Variants in CPS1 observed in about 807,000 individuals in gnomAD.
CPS1 encodes carbamoyl-phosphate synthase [ammonia], mitochondrial.
CPS1 carries 109 observed loss-of-function variants against 174.6 expected under a neutral mutation model. That is an observed-to-expected ratio of 0.62 (90% CI 0.53 to 0.73). The LOEUF (loss-of-function observed/expected upper bound fraction) is 0.73. CPS1 is among the 30% of genes least tolerant of loss of function. The pLI, the probability that CPS1 is intolerant of heterozygous loss-of-function variation, is 0.00. For missense variants in CPS1, 1,689 were observed against 1,821.9 expected (o/e 0.93, Z 1.33); for synonymous variants, 637 against 632.0 (o/e 1.01, Z -0.12).
intron 1 of CPS1, among the ~76,000 whole-genome samples, chr2:210,505,204 A>G (rs1045420210): frequency 6.6e-6 from 1 of 151,960 alleles, no homozygotes; most frequent in African/African-American, 2.4e-5. Context: ...AATTCATCCT[A>G]TAATTAGGGC....
intron 28 of CPS1, among the ~76,000 whole-genome samples, chr2:210,653,708 A>G (rs944307310): frequency 1.3e-5 from 2 of 152,206 alleles, no homozygotes; most frequent in Non-Finnish European, 2.9e-5. Flanking sequence ...GACAGCAGAG[A>G]AAGAAGCCAT....
At chr2:210,676,932 C>A (rs1347122520) in intron 36 of CPS1, 75 bp from the exon 37 acceptor site, 2 of 1,457,170 alleles carry the variant, frequency 1.4e-6, no homozygotes, top group Non-Finnish European at 9.6e-7. Context: ...GCTAAGAGAG[C>A]AATTTATGTT....
intron 5 of CPS1, 70 bp downstream of exon 5, chr2:210,579,840 T>C: frequency 8.0e-7 from 1 of 1,243,268 alleles, no homozygotes; most frequent in South Asian, 1.2e-5. Context: ...GTGTGGTGTT[T>C]CCCTCAGTGC....
intron 21 of CPS1, among the ~76,000 whole-genome samples, chr2:210,636,998 T>G (rs116141479): frequency 0.011 from 1,610 of 152,250 alleles, 23 homozygotes; most frequent in African/African-American, 0.037. Flanking sequence ...GGAGAGGATA[T>G]CCAAACTGAT....
chr2:210,594,939 C>T (rs1698439085), intron 12 of CPS1, among the ~76,000 whole-genome samples: 4 of 151,850 alleles, frequency 2.6e-5, no homozygotes, highest in Admixed American at 2.6e-4. Flanking sequence ...ACATTTCAGA[C>T]TACAGAATCA....
In CPS1 at chr2:210,570,614, C is replaced by T. The variant is rs961400400; in HGVS notation, c.127-2684C>T. On this transcript the variant is annotated intron_variant, in intron 1 of 37. Coordinates refer to ENST00000233072, the MANE Select transcript of CPS1 (RefSeq NM_001875.5). ...ATATGTAGAAAACTATTGAAATTTACAGTCTACACTCAAATTTTGCCAACT... is the reference window on the plus strand; with the variant it reads ...ATATGTAGAAAACTATTGAAATTTATAGTCTACACTCAAATTTTGCCAACT... Among the ~76,000 whole-genome samples the T allele has an allele frequency of 3.3e-5, 5 of 151,920 alleles. 1 individual carries two copies. The highest frequency in any genetic ancestry group is 4.8e-5 in the African/African-American group (2 of 41,414).
intron 1 of CPS1, among the ~76,000 whole-genome samples, chr2:210,550,211 A>G (rs1237869045): frequency 2.0e-5 from 3 of 151,942 alleles, no homozygotes; most frequent in Non-Finnish European, 4.4e-5. Context: ...GTTTTTACTG[A>G]AGTTATGTTT....
intron 19 of CPS1, among the ~76,000 whole-genome samples, chr2:210,611,294 G>C (rs1368194099): frequency 2.0e-5 from 3 of 151,840 alleles, no homozygotes; most frequent in Admixed American, 1.3e-4. Flanking sequence ...GAGTCTATTT[G>C]AGGAATCACA....
At chr2:210,644,999 A>T (rs535151907) in intron 25 of CPS1, among the ~76,000 whole-genome samples, 9 of 152,176 alleles carry the variant, frequency 5.9e-5, no homozygotes, top group Non-Finnish European at 1.2e-4. Context: ...GATTTCTTGA[A>T]ACTATTCAGG....
At chr2:210,530,726 C>G (rs555246626) in intron 1 of CPS1, among the ~76,000 whole-genome samples, 1 of 152,110 alleles carries the variant, frequency 6.6e-6, no homozygotes, top group South Asian at 2.1e-4. Flanking sequence ...TACTGCCTCT[C>G]TTTGTGCCCC....
intron 1 of CPS1, among the ~76,000 whole-genome samples, chr2:210,557,994 A>T (rs991223141): frequency 6.6e-6 from 1 of 150,906 alleles, no homozygotes; most frequent in African/African-American, 2.4e-5. Context: ...AGATGGAGAC[A>T]GGGGGAGGGG....
intron 31 of CPS1, 65 bp downstream of exon 31, chr2:210,658,753 C>T: frequency 8.6e-7 from 1 of 1,162,650 alleles, no homozygotes; most frequent in African/African-American, 1.5e-5. Flanking sequence ...GTTTGCATCT[C>T]TCTGGTAATC....
chr2:210,573,159 G>A (rs992372399), intron 1 of CPS1, 139 bp from the exon 2 acceptor site: 6 of 751,852 alleles, frequency 8.0e-6, no homozygotes, highest in African/African-American at 1.7e-5. Context: ...TAATAGGAAA[G>A]CAACTGGAAA....
At chr2:210,602,154 C>G in intron 15 of CPS1, 48 bp from the exon 16 acceptor site, 1 of 1,608,372 alleles carries the variant, frequency 6.2e-7, no homozygotes, top group Non-Finnish European at 8.5e-7. Context: ...GTCTGTTCTG[C>G]CAGTGTGCTC....
In CPS1 at chr2:210,483,287, C is replaced by T. The variant is rs1028629765; in HGVS notation, c.3+5521C>T. On this transcript the variant is annotated intron_variant, in intron 1 of 38. Coordinates refer to the CPS1 transcript ENST00000430249. Reference sequence around the variant, plus strand: ...AGGCCAAGAAGGGGAGGTTAATCCACATCCCCTTCCTAATAACAGCATCTA... The same window carrying T: ...AGGCCAAGAAGGGGAGGTTAATCCATATCCCCTTCCTAATAACAGCATCTA... 2.0e-4 allele frequency among the ~76,000 whole-genome samples: 30 copies of T among 152,300 alleles called. 2 individuals are homozygous for T. The highest frequency in any genetic ancestry group is 7.0e-4 in the African/African-American group (29 of 41,572).
intron 1 of CPS1, among the ~76,000 whole-genome samples, chr2:210,566,373 A>T (rs1445255765): frequency 6.6e-6 from 1 of 152,052 alleles, no homozygotes; most frequent in African/African-American, 2.4e-5. Context: ...GATCAGTGCA[A>T]ATTGTTCTCG....
At chr2:210,500,117 T>A (rs971425339) in intron 1 of CPS1, among the ~76,000 whole-genome samples, 1 of 152,022 alleles carries the variant, frequency 6.6e-6, no homozygotes, top group Non-Finnish European at 1.5e-5. Context: ...TCATGAGAAC[T>A]CATCCACTAT....
At chr2:210,589,451 C>A (rs999045120) in intron 7 of CPS1, among the ~76,000 whole-genome samples, 1 of 151,960 alleles carries the variant, frequency 6.6e-6, no homozygotes, top group Admixed American at 6.6e-5. Context: ...TTTGATAAGA[C>A]TAAAAGGCAA....
chr2:210,635,784 G>C (rs1700026650), intron 21 of CPS1, among the ~76,000 whole-genome samples: 2 of 152,172 alleles, frequency 1.3e-5, no homozygotes, highest in Non-Finnish European at 2.9e-5. Context: ...AGAATAAAAA[G>C]AGAAGAAATT....
Sources: gnomAD v4.1 joint callset for allele counts (sites outside exome capture counted in the v4.1 genomes callset) on GRCh38, gnomAD v4.1.1 for gene constraint, MANE v1.5 for transcripts, NCBI Gene and HGNC (gene_info 2026-07-23, HGNC 2026-07-21) for gene names.